The following NTRK3 variants were observed in gnomAD, a reference collection of about 807,000 sequenced individuals.
NTRK3 encodes NT-3 growth factor receptor.
In NTRK3, 24 loss-of-function variants were observed where a neutral mutation model predicts 91.7. The observed-to-expected ratio is 0.26, with a 90% CI of 0.19 to 0.37. The LOEUF (loss-of-function observed/expected upper bound fraction) is 0.37. NTRK3 is among the 10% of genes least tolerant of loss of function. The pLI is 1.00. For missense variants in NTRK3, 880 were observed against 1,068.9 expected, an observed-to-expected ratio of 0.82 and a Z score of 2.46; for synonymous variants, 483 against 404.0, an observed-to-expected ratio of 1.20 and a Z score of -2.34.
chr15:88,044,419 C>T (rs554662258), intron 13 of NTRK3, among the ~76,000 whole-genome samples: 1 of 151,774 alleles, frequency 6.6e-6, no homozygotes, highest in African/African-American at 2.4e-5. Context: ...TGCCACCATA[C>T]CCGGCTAATT....
rs577709434 is a variant in NTRK3, at chr15:88,240,402, T to A, written c.248+15504A>T. On this transcript the variant is annotated intron_variant, in intron 3 of 18. Coordinates refer to ENST00000394480, the Ensembl canonical transcript of NTRK3. The surrounding 1 kb of genome is among the most constrained non-coding windows in gnomAD (Gnocchi z 4.9). ...TGACGCAGGGGACATTCTGTGAGGA[T>A]GTGGCCAAAAACACCTGTGTCCATG... Among the ~76,000 whole-genome samples the A allele has an allele frequency of 6.6e-6, 1 of 152,230 alleles. No homozygotes were observed. The highest frequency in any genetic ancestry group is 1.9e-4 in the East Asian group (1 of 5,164).
Position 88,154,036 on chromosome 15 carries a change from C to G in NTRK3, c.396-6633G>C, listed in dbSNP as rs2043650071. 2.0e-5 allele frequency among the ~76,000 whole-genome samples: 3 copies of G among 146,618 alleles called. No individual in the cohort carries two copies. The South Asian group carries it at 6.5e-4, about 32-fold the overall frequency. ...GAATCTGCAAGAAAAGAGTGCTGTT[C>G]TAGACCAGAACTAATTAAGAATCTG... On this transcript the variant is annotated intron_variant, in intron 5 of 18. Transcript: ENST00000394480.
chr15:88,185,670 T>A (rs555809058), intron 3 of NTRK3, among the ~76,000 whole-genome samples: 1 of 152,118 alleles, frequency 6.6e-6, no homozygotes, highest in African/African-American at 2.4e-5. Flanking sequence ...TGACAGCTCA[T>A]CCTGGGACAG....
chr15:88,020,947 C>T (rs1012550819), intron 14 of NTRK3, among the ~76,000 whole-genome samples: 2 of 152,172 alleles, frequency 1.3e-5, no homozygotes, highest in African/African-American at 2.4e-5. Flanking sequence ...GAGAAAGCTG[C>T]CTGCATCTTG....
At chr15:88,166,104 C>G (rs1027679299) in intron 5 of NTRK3, among the ~76,000 whole-genome samples, 1 of 152,172 alleles carries the variant, frequency 6.6e-6, no homozygotes, top group South Asian at 2.1e-4. Flanking sequence ...AGGCCCCATT[C>G]AACAGTAACA....
intron 3 of NTRK3, among the ~76,000 whole-genome samples, chr15:88,232,748 G>A (rs896276512): frequency 5.3e-5 from 8 of 152,156 alleles, no homozygotes; most frequent in Admixed American, 3.9e-4. Context: ...AGGCCCCAGA[G>A]GCCTACTGAG....
intron 3 of NTRK3, among the ~76,000 whole-genome samples, chr15:88,199,729 C>G (rs16941424): frequency 6.6e-6 from 1 of 152,084 alleles, no homozygotes; most frequent in Admixed American, 6.5e-5. Flanking sequence ...ACTCCAGCAC[C>G]GGGGAAAGTG....
chr15:87,873,405 G>A (rs1181607795), exon 19 of NTRK3: 1 of 230,386 alleles, frequency 4.3e-6, no homozygotes, highest in Non-Finnish European at 8.6e-6. Flanking sequence ...GAAGAATTGG[G>A]AGGTCCCATG....
At chr15:87,876,287 C>T (rs2064946594) in exon 19 of NTRK3, 1 of 231,632 alleles carries the variant, frequency 4.3e-6, no homozygotes, top group African/African-American at 2.2e-5. Flanking sequence ...CAAGATTACA[C>T]TTTTTAGAAT....
At chr15:88,041,092 G>T (rs184264469) in intron 13 of NTRK3, among the ~76,000 whole-genome samples, 2 of 152,180 alleles carry the variant, frequency 1.3e-5, no homozygotes, top group African/African-American at 4.8e-5. Flanking sequence ...AGTGCTTGGT[G>T]TGAATACATG....
At chr15:88,062,258 G>A (rs2046288103) in intron 13 of NTRK3, among the ~76,000 whole-genome samples, 1 of 152,232 alleles carries the variant, frequency 6.6e-6, no homozygotes, top group Non-Finnish European at 1.5e-5. Context: ...ATATCCCACA[G>A]AGGTGTGTTA....
intron 13 of NTRK3, among the ~76,000 whole-genome samples, chr15:88,092,272 T>C (rs2049086298): frequency 6.6e-6 from 1 of 152,348 alleles, no homozygotes; most frequent in Non-Finnish European, 1.5e-5. Context: ...GCCACGTCTC[T>C]AGTCACTGAA....
At chr15:88,180,877 T>G (rs1021414883) in intron 5 of NTRK3, among the ~76,000 whole-genome samples, 2 of 152,070 alleles carry the variant, frequency 1.3e-5, no homozygotes, top group African/African-American at 2.4e-5. Flanking sequence ...GCCGGGAAAT[T>G]TACTCAATTG....
At chr15:88,046,163 C>T (rs916655170) in intron 13 of NTRK3, among the ~76,000 whole-genome samples, 6 of 152,200 alleles carry the variant, frequency 3.9e-5, no homozygotes, top group African/African-American at 1.4e-4. Context: ...TCTGGGTGAA[C>T]TGGGAGTTCA....
chr15:88,156,429 T>A (rs2043909521), intron 5 of NTRK3, among the ~76,000 whole-genome samples: 1 of 152,070 alleles, frequency 6.6e-6, no homozygotes, highest in Non-Finnish European at 1.5e-5. Flanking sequence ...GCCTCCTGTT[T>A]CCATATATTC....
At chr15:88,220,491 G>T (rs1035845746) in intron 3 of NTRK3, among the ~76,000 whole-genome samples, 1 of 152,238 alleles carries the variant, frequency 6.6e-6, no homozygotes, top group South Asian at 2.1e-4. Context: ...TGTGACGCCA[G>T]CAAGTCACTT....
rs542762586 is a variant in NTRK3 at position 87,876,802 on chromosome 15, G to A, written c.*133C>T. 7.7e-6 allele frequency: 8 copies of A among 1,033,066 alleles called. No homozygotes were observed. The East Asian group carries it at 1.5e-4, about 19-fold the overall frequency. The allele number at this position is 1,033,066 out of a possible 1,614,324, so 64.0% of individuals were successfully genotyped here. ...TTTTTTCCTTTTTTCAGTGTTGTAT[G>A]TGTAGCAGGCACTTGAGTTTATATG... On this transcript the variant is annotated 3_prime_UTR_variant, in exon 19 of 19. Coordinates refer to ENST00000394480, the Ensembl canonical transcript of NTRK3.
rs370157088 is a variant in NTRK3 at position 88,067,765 on chromosome 15, T to C, written c.1397-34720A>G. 1.7e-3 allele frequency among the ~76,000 whole-genome samples: 257 copies of C among 152,314 alleles called. 1 individual carries two copies. Among genetic ancestry groups the C allele is most frequent in the African/African-American group, 5.8e-3 (243 of 41,580 alleles). On this transcript the variant is annotated intron_variant, in intron 13 of 18. Coordinates refer to ENST00000394480, the Ensembl canonical transcript of NTRK3. ...TCCCAGCTCTACCTCTTATTTGAGC[T>C]CTCAGTCTCAATTTTCTATAAAATG...
chr15:88,162,850 C>T (rs891884335), intron 5 of NTRK3, among the ~76,000 whole-genome samples: 6 of 152,300 alleles, frequency 3.9e-5, no homozygotes, highest in African/African-American at 1.4e-4. Flanking sequence ...CCTCCTCATT[C>T]TCAGACTTCC....
Sources: gnomAD v4.1 joint callset for allele counts (sites outside exome capture counted in the v4.1 genomes callset) on GRCh38, gnomAD v4.1.1 for gene constraint, Gnocchi (gnomAD v3.1) non-coding constraint, MANE v1.5 for transcripts, NCBI Gene and HGNC (gene_info 2026-07-23, HGNC 2026-07-21) for gene names.